CSMD1: variants seen among roughly 807,000 people sequenced by gnomAD.
The protein encoded by CSMD1 is CUB and sushi domain-containing protein 1.
Under a neutral mutation model 417.5 loss-of-function variants are expected in CSMD1, and 213 were observed. The observed-to-expected ratio is 0.51, with a 90% CI of 0.46 to 0.57. CSMD1 has a LOEUF of 0.57. CSMD1 is among the 20% of genes least tolerant of loss of function. CSMD1 has a pLI of 0.00. For synonymous variants in CSMD1, 2,862 were observed against 1,736.8 expected, an observed-to-expected ratio of 1.65 and a Z score of -16.11; for missense variants, 6,923 against 4,529.7, an observed-to-expected ratio of 1.53 and a Z score of -15.17.
chr8:3,916,491 G>A (rs1808839950), intron 5 of CSMD1, among the ~76,000 whole-genome samples: 1 of 152,222 alleles, frequency 6.6e-6, no homozygotes, highest in Non-Finnish European at 1.5e-5. Context: ...TGAAATTTCT[G>A]ATAAATGGGA....
At chr8:4,176,323 G>A (rs889443716) in intron 3 of CSMD1, among the ~76,000 whole-genome samples, 1 of 152,098 alleles carries the variant, frequency 6.6e-6, no homozygotes, top group Non-Finnish European at 1.5e-5. Flanking sequence ...ATTGTTTGCT[G>A]ACGTCAACCT....
chr8:3,463,107 C>T (rs1047996367), intron 12 of CSMD1, among the ~76,000 whole-genome samples: 5 of 152,202 alleles, frequency 3.3e-5, no homozygotes, highest in Admixed American at 6.5e-5. Context: ...AGATACAATT[C>T]CATTGTCGCC....
At chr8:4,562,895 T>C (rs1051896425) in intron 2 of CSMD1, among the ~76,000 whole-genome samples, 3 of 152,188 alleles carry the variant, frequency 2.0e-5, no homozygotes, top group African/African-American at 7.2e-5. Flanking sequence ...CCTCCTTTCC[T>C]TCATAATAAA....
chr8:4,341,592 C>T (rs377676349), intron 3 of CSMD1, among the ~76,000 whole-genome samples: 88 of 152,158 alleles, frequency 5.8e-4, no homozygotes, highest in African/African-American at 2.0e-3. Flanking sequence ...TTCTGTGGTT[C>T]CCTGTTTGTC....
chr8:3,796,396 T>A lies in CSMD1; in HGVS notation c.819-42354A>T, dbSNP rs1391210650. 7.4e-5 allele frequency among the ~76,000 whole-genome samples: 6 copies of A among 80,542 alleles called. 1 individual carries two copies. The highest frequency in any genetic ancestry group is 1.7e-4 in the Non-Finnish European group (6 of 35,176). The allele number at this position is 80,542 out of a possible 152,430, so 52.8% of individuals were successfully genotyped here. A position where few individuals can be genotyped will look rare whatever the true frequency, so the allele number is the denominator to read the frequency against. On this transcript the variant is annotated intron_variant, in intron 5 of 69. Transcript: ENST00000635120. ...ATCATGTATATATATATCTATCATG[T>A]ATAGATATAGATATATATCTATCAT...
intron 9 of CSMD1, among the ~76,000 whole-genome samples, chr8:3,577,739 C>T (rs989106029): frequency 6.6e-6 from 1 of 152,186 alleles, no homozygotes; most frequent in African/African-American, 2.4e-5. Context: ...TCAATGTTTG[C>T]CTTTCTAAAT....
At chr8:3,546,389 A>C (rs1798665413) in intron 10 of CSMD1, among the ~76,000 whole-genome samples, 1 of 152,096 alleles carries the variant, frequency 6.6e-6, no homozygotes, top group African/African-American at 2.4e-5. Flanking sequence ...ACAAAAAATT[A>C]GCTGGGTTTG....
At chr8:3,399,240 A>C (rs1469608497) in intron 16 of CSMD1, 151 bp downstream of exon 16, 1 of 645,222 alleles carries the variant, frequency 1.5e-6, no homozygotes, top group African/African-American at 1.8e-5. Flanking sequence ...GAAGAACAAA[A>C]CTTACAAGTA....
At chr8:3,655,792 T>C (rs151052684) in intron 7 of CSMD1, among the ~76,000 whole-genome samples, 253 of 151,908 alleles carry the variant, frequency 1.7e-3, no homozygotes, top group African/African-American at 5.8e-3. Context: ...TAGAGTCTAA[T>C]AGCAAGAAAG....
At chr8:4,815,078 G>A (rs977353226) in intron 1 of CSMD1, among the ~76,000 whole-genome samples, 6 of 152,080 alleles carry the variant, frequency 3.9e-5, no homozygotes, top group East Asian at 1.9e-4. Flanking sequence ...GTAGTATCCC[G>A]CTGGGTGACC....
intron 6 of CSMD1, among the ~76,000 whole-genome samples, chr8:3,709,680 G>GGTTTTTTTTTTTTTTTTTTTTTTTT (rs1554518393): frequency 3.0e-5 from 1 of 33,694 alleles, no homozygotes; most frequent in African/African-American, 1.1e-4. Context: ...GCAGCAGCAT[G>GGTTTTTTTTTTTTTTTTTTTTTTTT]TTTTTTTTTT....
chr8:3,004,304 A>C (rs622765), intron 52 of CSMD1, among the ~76,000 whole-genome samples: 122,218 of 152,088 alleles, frequency 0.8, 49,265 homozygotes, highest in Non-Finnish European at 0.82. Flanking sequence ...CAATGTCTCC[A>C]ACAGGCAATT....
At chr8:4,283,457 T>C (rs1273634824) in intron 3 of CSMD1, among the ~76,000 whole-genome samples, 1 of 152,224 alleles carries the variant, frequency 6.6e-6, no homozygotes, top group African/African-American at 2.4e-5. Context: ...AAATTATCTC[T>C]TGCATTTTTA....
chr8:4,947,903 C>T (rs769225874), intron 1 of CSMD1, among the ~76,000 whole-genome samples: 27 of 152,078 alleles, frequency 1.8e-4, no homozygotes, highest in Non-Finnish European at 3.4e-4. Context: ...GTCCATTCTC[C>T]TGTAAGACAT....
intron 4 of CSMD1, among the ~76,000 whole-genome samples, chr8:4,024,030 A>C (rs778257920): frequency 1.3e-5 from 2 of 152,124 alleles, no homozygotes; most frequent in Admixed American, 6.5e-5. Context: ...TTCTATTGCA[A>C]TTGAGAGAAC....
intron 3 of CSMD1, among the ~76,000 whole-genome samples, chr8:4,224,179 C>G (rs1301458570): frequency 6.6e-6 from 1 of 151,914 alleles, no homozygotes; most frequent in African/African-American, 2.4e-5. Context: ...AAACTATAGA[C>G]AAGTGAAAGT....
chr8:3,614,533 C>A (rs960793556), intron 8 of CSMD1, among the ~76,000 whole-genome samples: 2 of 152,212 alleles, frequency 1.3e-5, no homozygotes, highest in Non-Finnish European at 2.9e-5. Flanking sequence ...ATATTCACAA[C>A]TTCCCTGTTA....
intron 5 of CSMD1, among the ~76,000 whole-genome samples, chr8:3,790,713 C>T (rs1482501540): frequency 6.6e-6 from 1 of 152,084 alleles, no homozygotes; most frequent in Non-Finnish European, 1.5e-5. Context: ...ATACCTTTGA[C>T]AAAAACACCC....
At chr8:3,357,549 C>T (rs1808874409) in intron 21 of CSMD1, among the ~76,000 whole-genome samples, 1 of 152,104 alleles carries the variant, frequency 6.6e-6, no homozygotes, top group Admixed American at 6.6e-5. Flanking sequence ...ACCTGAATGA[C>T]AAGAAAAACA....
Sources: gnomAD v4.1 joint callset for allele counts (sites outside exome capture counted in the v4.1 genomes callset) on GRCh38, gnomAD v4.1.1 for gene constraint, MANE v1.5 for transcripts, NCBI Gene and HGNC (gene_info 2026-07-23, HGNC 2026-07-21) for gene names.